The following RBM45 variants were observed in gnomAD, a reference collection of about 807,000 sequenced individuals.
RBM45 encodes RNA-binding protein 45.
In RBM45, 39 loss-of-function variants were observed where a neutral mutation model predicts 58.5. The observed-to-expected ratio is 0.67, with a 90% CI of 0.52 to 0.87. RBM45 has a LOEUF of 0.87. RBM45 is among the 40% of genes least tolerant of loss of function. The pLI is 0.00. For synonymous variants in RBM45, 193 were observed against 203.0 expected (o/e 0.95, Z 0.42); for missense variants, 481 against 581.6 (o/e 0.83, Z 1.78).
chr2:178,124,284 T>C lies in RBM45; in HGVS notation c.1226T>C (p.Ile409Thr). The change falls in exon 8 of 10, where the codon ATA becomes ACA. Residue 409 changes from isoleucine to threonine, a missense_variant. By Grantham distance (89) the Ile-to-Thr change is moderately conservative (BLOSUM62 -1). Coordinates refer to ENST00000286070, the MANE Select transcript of RBM45 (RefSeq NM_152945.4). ...HPLPLDVLED[I>T]FCRFGNLIEV... ...TTACCTTTAGACGTATTAGAAGATA[T>C]ATTCTGGTAAGAAAGTTACATTTTT... 6.6e-7 allele frequency: 1 copy of C among 1,526,468 alleles called. No homozygotes were observed. The highest frequency in any genetic ancestry group is 8.9e-7 in the Non-Finnish European group (1 of 1,129,052). The allele number at this position is 1,526,468 out of a possible 1,614,324, so 94.6% of individuals were successfully genotyped here. A position where few individuals can be genotyped will look rare whatever the true frequency, so the allele number is the denominator to read the frequency against.
Position 178,121,357 on chromosome 2 carries a change from A to G in RBM45, c.851A>G (p.Tyr284Cys). The change falls in exon 5 of 10, where the codon TAT (tyrosine) becomes TGT (cysteine). Residue 284 changes from tyrosine to cysteine, a missense_variant and splice_region_variant. Transcript: ENST00000286070. The part of the protein sequence containing the change: ...CEVQRDPYSN[Y>C]GHGVVQYFNV... ...GTTCAACGAGATCCTTATTCAAATT[A>G]TGGTAAAATAATGTTCACATTAAAA... The G allele has an allele frequency of 2.6e-6, 4 of 1,522,768 alleles. No homozygotes were observed. Among genetic ancestry groups the G allele is most frequent in the Non-Finnish European group, 3.5e-6 (4 of 1,128,790 alleles). The allele number at this position is 1,522,768 out of a possible 1,614,324, so 94.3% of individuals were successfully genotyped here.
At chr2:178,114,672 G>A (rs969381774) in intron 1 of RBM45, among the ~76,000 whole-genome samples, 5 of 152,032 alleles carry the variant, frequency 3.3e-5, no homozygotes, top group Non-Finnish European at 7.4e-5. Flanking sequence ...GCTCACTGTA[G>A]CCTCCACCTC....
intron 2 of RBM45, among the ~76,000 whole-genome samples, chr2:178,117,714 C>G (rs2087795162): frequency 6.6e-6 from 1 of 152,114 alleles, no homozygotes; most frequent in Admixed American, 6.6e-5. Flanking sequence ...AATAAGTAAA[C>G]TGCCTAATTA....
chr2:178,124,157 C>T lies in RBM45; in HGVS notation c.1099C>T (p.Pro367Ser). The T allele has an allele frequency of 6.2e-7, 1 of 1,600,204 alleles. No homozygotes were observed. Among genetic ancestry groups the T allele is most frequent in the Non-Finnish European group, 8.5e-7 (1 of 1,176,506 alleles). The part of the protein sequence containing the change: ...QFGGSSGSQL[P>S]QIQTDVVLPS... The stretch of plus-strand genomic sequence containing the variant: ...TGGAGGAAGCTCTGGATCACAGTTG[C>T]CTCAAATCCAGACAGATGTTGTACT... Residue 367 changes from proline to serine, a missense_variant, in exon 8 of 10, where the codon CCT becomes TCT. Pro to Ser is a moderately conservative substitution (Grantham distance 74). Coordinates refer to ENST00000286070, the MANE Select transcript of RBM45 (RefSeq NM_152945.4).
At chr2:178,125,680 T>A (rs1301794071) in intron 8 of RBM45, 4 of 536,002 alleles carry the variant, frequency 7.5e-6, no homozygotes, top group Non-Finnish European at 1.5e-5. Context: ...GAGTAAATGA[T>A]CATATTTATG....
At position 178,124,261 on chromosome 2, in the gene RBM45, A is replaced by G; in HGVS notation, c.1203A>G (p.Leu401=). Residue 401 remains leucine, a synonymous_variant, in exon 8 of 10, where the codon TTA becomes TTG. Transcript: ENST00000286070. The part of the protein sequence containing the change: ...RLFIVFNPHP[L]PLDVLEDIFC... ...TTATTGTGTTTAATCCTCATCCTTT[A>G]CCTTTAGACGTATTAGAAGATATAT... is the stretch of plus-strand genomic sequence containing the variant. The G allele has an allele frequency of 6.3e-7, 1 of 1,577,138 alleles. No individual in the cohort carries two copies. The highest frequency in any genetic ancestry group is 1.2e-5 in the South Asian group (1 of 84,068).
At chr2:178,136,626 C>T (rs2088047726) in exon 4 of RBM45, 1 of 152,188 alleles carries the variant, frequency 6.6e-6, no homozygotes, top group Non-Finnish European at 1.5e-5. Context: ...CTCTGCACAT[C>T]AGCTGATTTA....
At chr2:178,127,568 T>C (rs778343945) in intron 9 of RBM45, among the ~76,000 whole-genome samples, 2 of 152,158 alleles carry the variant, frequency 1.3e-5, no homozygotes, top group Admixed American at 6.6e-5. Context: ...TAATCCTAAT[T>C]TTTAAATCTT....
chr2:178,124,563 C>T (rs2087901438), intron 8 of RBM45, among the ~76,000 whole-genome samples: 1 of 152,132 alleles, frequency 6.6e-6, no homozygotes, highest in Admixed American at 6.5e-5. Flanking sequence ...CCTGTAATCC[C>T]AACACTTTGG....
chr2:178,128,216 C>T (rs1003492902), intron 9 of RBM45, among the ~76,000 whole-genome samples: 3 of 151,642 alleles, frequency 2.0e-5, no homozygotes, highest in Non-Finnish European at 2.9e-5. Context: ...CCCAGGCTGG[C>T]CTTGAACTCC....
At chr2:178,118,211 T>C in intron 3 of RBM45, 30 bp downstream of exon 3, 2 of 1,565,014 alleles carry the variant, frequency 1.3e-6, no homozygotes, top group Non-Finnish European at 1.7e-6. Flanking sequence ...TGTTAAAAAC[T>C]TTTGTAAAAA....
intron 5 of RBM45, 120 bp from the exon 6 acceptor site, chr2:178,123,402 T>C (rs1303533962): frequency 3.1e-6 from 3 of 971,278 alleles, no homozygotes; most frequent in Non-Finnish European, 4.5e-6. Context: ...TTCGATTCTG[T>C]ATTTACTAGT....
chr2:178,112,622 A>G lies in RBM45; in HGVS notation c.76A>G (p.Ser26Gly). 6.2e-7 allele frequency: 1 copy of G among 1,614,146 alleles called. No homozygotes were observed. ...GVDSLDEPPN[S>G]RIFLVISKYT... Reference sequence around the variant, plus strand: ...GGACAGCCTGGACGAACCGCCCAACAGCCGCATCTTCCTTGTGATCAGCAA... The same window carrying G: ...GGACAGCCTGGACGAACCGCCCAACGGCCGCATCTTCCTTGTGATCAGCAA... Residue 26 changes from serine to glycine, a missense_variant, in exon 1 of 10, where the codon AGC (serine) becomes GGC (glycine). By Grantham distance (56) the Ser-to-Gly change is moderately conservative (BLOSUM62 0). Transcript: ENST00000286070.
At chr2:178,123,736 G>A (rs1313408520) in intron 6 of RBM45, 85 bp downstream of exon 6, 2 of 1,589,370 alleles carry the variant, frequency 1.3e-6, no homozygotes, top group Non-Finnish European at 1.7e-6. Context: ...AGAAACAATT[G>A]ACCTCTCAGG....
chr2:178,116,281 G>A lies in RBM45; in HGVS notation c.320G>A (p.Arg107Gln), dbSNP rs562067929. ...KPIKVFIAQS[R>Q]SSGSHRDVED... ...TCTTAGGTTTTCATTGCTCAGTCCC[G>A]ATCATCTGGAAGTCACCGAGATGTT... Residue 107 changes from arginine to glutamine, a missense_variant, in exon 2 of 10, where the codon CGA (arginine) becomes CAA (glutamine). Coordinates refer to ENST00000286070, the MANE Select transcript of RBM45 (RefSeq NM_152945.4). The A allele has an allele frequency of 1.9e-6, 3 of 1,605,826 alleles. No homozygotes were observed. The highest frequency in any genetic ancestry group is 1.3e-5 in the African/African-American group (1 of 74,194).
chr2:178,135,315 C>G (rs1426801773), intron 3 of RBM45, among the ~76,000 whole-genome samples: 3 of 152,172 alleles, frequency 2.0e-5, no homozygotes, highest in Non-Finnish European at 4.4e-5. Flanking sequence ...AAAGAGTGTA[C>G]TAGGAAAGAT....
At chr2:178,135,877 A>G (rs1230587829) in intron 3 of RBM45, among the ~76,000 whole-genome samples, 1 of 152,244 alleles carries the variant, frequency 6.6e-6, no homozygotes, top group Non-Finnish European at 1.5e-5. Context: ...GAAAATTTAT[A>G]TCAATCATAG....
intron 3 of RBM45, among the ~76,000 whole-genome samples, chr2:178,119,906 G>A (rs909328436): frequency 6.6e-5 from 10 of 152,166 alleles, no homozygotes; most frequent in Non-Finnish European, 1.3e-4. Context: ...GTAAAAGATA[G>A]CATATTCCAA....
At chr2:178,125,232 G>A (rs1467788814) in intron 8 of RBM45, among the ~76,000 whole-genome samples, 1 of 152,170 alleles carries the variant, frequency 6.6e-6, no homozygotes, top group Non-Finnish European at 1.5e-5. Flanking sequence ...ACTGTGCTAA[G>A]TACAAGAGAC....
Sources: allele counts gnomAD v4.1 joint callset (sites outside exome capture counted in the v4.1 genomes callset), GRCh38; gene constraint gnomAD v4.1.1; transcripts MANE v1.5; gene names NCBI Gene and HGNC (gene_info 2026-07-23, HGNC 2026-07-21).